COL21A1: variants seen among roughly 807,000 people sequenced by gnomAD.
The protein encoded by COL21A1 is collagen alpha-1(XXI) chain.
A neutral mutation model predicts 137.9 loss-of-function variants in COL21A1; 149 were observed. The ratio of observed to expected loss-of-function variants is 1.08; its 90% CI spans 0.95 to 1.24. The LOEUF (loss-of-function observed/expected upper bound fraction) is 1.24. Among genes scored for constraint, COL21A1 ranks in the 50% most tolerant of loss-of-function variants. The pLI is 0.00. For missense variants in COL21A1, 1,167 were observed against 1,158.4 expected (o/e 1.01, Z -0.11); for synonymous variants, 456 against 391.5 (o/e 1.16, Z -1.95).
chr6:56,260,767 GA>G (rs2152330685), intron 1 of COL21A1, among the ~76,000 whole-genome samples: 1 of 151,236 alleles, frequency 6.6e-6, no homozygotes, highest in South Asian at 2.1e-4. Context: ...AATCTTGGGG[GA>G]AGATTTTTTA....
At chr6:56,212,762 A>G (rs12203971) in intron 1 of COL21A1, among the ~76,000 whole-genome samples, 11,061 of 152,082 alleles carry the variant, frequency 0.073, 445 homozygotes, top group Middle Eastern at 0.13. Flanking sequence ...AATGATCTCT[A>G]AGAATATGTT....
intron 25 of COL21A1, among the ~76,000 whole-genome samples, chr6:56,061,431 G>C (rs886393854): frequency 6.6e-6 from 1 of 152,060 alleles, no homozygotes; most frequent in African/African-American, 2.4e-5. Context: ...TCCAAGTCTG[G>C]AAGAAAAACC....
intron 1 of COL21A1, among the ~76,000 whole-genome samples, chr6:56,188,873 G>A (rs917687347): frequency 1.2e-4 from 19 of 152,184 alleles, no homozygotes; most frequent in Admixed American, 9.8e-4. Context: ...AAACTCCAGT[G>A]GACCTGCTGC....
chr6:56,156,134 A>G (rs776989116), intron 10 of COL21A1, among the ~76,000 whole-genome samples: 35 of 152,226 alleles, frequency 2.3e-4, no homozygotes, highest in Non-Finnish European at 4.1e-4. Context: ...GCTTCCACAG[A>G]TGTGCAGAGA....
chr6:56,300,292 T>C (rs1039758762), intron 1 of COL21A1, among the ~76,000 whole-genome samples: 2 of 152,094 alleles, frequency 1.3e-5, no homozygotes, highest in Admixed American at 6.6e-5. Context: ...AGAGTGGAAT[T>C]AGATTAAAAC....
At chr6:56,222,145 T>C (rs1780873233) in intron 1 of COL21A1, among the ~76,000 whole-genome samples, 1 of 152,012 alleles carries the variant, frequency 6.6e-6, no homozygotes, top group South Asian at 2.1e-4. Flanking sequence ...TGGTGGTGCA[T>C]GCCTGTAATC....
At chr6:56,187,488 A>T (rs928971609) in intron 1 of COL21A1, among the ~76,000 whole-genome samples, 3 of 152,224 alleles carry the variant, frequency 2.0e-5, no homozygotes, top group Admixed American at 6.5e-5. Context: ...TGACATAAAG[A>T]TAGGCATAGA....
intron 1 of COL21A1, among the ~76,000 whole-genome samples, chr6:56,236,996 A>ATTTTC (rs1781945931): frequency 6.6e-6 from 1 of 152,054 alleles, no homozygotes; most frequent in African/African-American, 2.4e-5. Context: ...CCCTATTGAA[A>ATTTTC]ACAATGGTTA....
chr6:56,387,172 T>C (rs1484804840), intron 1 of COL21A1, among the ~76,000 whole-genome samples: 1 of 152,220 alleles, frequency 6.6e-6, no homozygotes, highest in Non-Finnish European at 1.5e-5. Context: ...TGAAAACAAT[T>C]CAATCTCATT....
At chr6:56,368,182 G>T (rs970544166) in intron 1 of COL21A1, among the ~76,000 whole-genome samples, 1 of 152,014 alleles carries the variant, frequency 6.6e-6, no homozygotes, top group African/African-American at 2.4e-5. Context: ...AAGCAGGGGG[G>T]TATTTGCAGA....
intron 17 of COL21A1, among the ~76,000 whole-genome samples, chr6:56,095,025 G>T (rs1290088650): frequency 1.3e-5 from 2 of 151,992 alleles, no homozygotes; most frequent in Non-Finnish European, 2.9e-5. Flanking sequence ...TGAGGGGGAG[G>T]CATTTTTTAA....
intron 1 of COL21A1, among the ~76,000 whole-genome samples, chr6:56,203,212 C>T (rs1779523012): frequency 6.6e-6 from 1 of 152,156 alleles, no homozygotes; most frequent in Non-Finnish European, 1.5e-5. Context: ...TCATGATACA[C>T]CAAAAAGAAT....
intron 1 of COL21A1, among the ~76,000 whole-genome samples, chr6:56,194,138 A>C (rs1582610610): frequency 6.6e-6 from 1 of 152,330 alleles, no homozygotes. Context: ...CCTCAAAATT[A>C]AGTTATTAAG....
At chr6:56,121,529 T>C (rs571592349) in intron 16 of COL21A1, among the ~76,000 whole-genome samples, 2 of 142,034 alleles carry the variant, frequency 1.4e-5, no homozygotes, top group African/African-American at 5.2e-5. Flanking sequence ...TATATACATA[T>C]ACATATATAT....
At chr6:56,059,968 T>TA (rs755012989) in intron 28 of COL21A1, 50 bp downstream of exon 28, 25 of 1,451,520 alleles carry the variant, frequency 1.7e-5, no homozygotes, top group South Asian at 7.5e-5. Flanking sequence ...TATGAATTTT[T>TA]AAAAAAAGAC....
chr6:56,070,710 T>G (rs1465947114), intron 21 of COL21A1, 35 bp downstream of exon 21: 2 of 1,440,542 alleles, frequency 1.4e-6, no homozygotes, highest in Non-Finnish European at 1.9e-6. Context: ...ACATTATAAT[T>G]TCTTTGAAAA....
chr6:56,285,730 TC>T (rs1430311668), intron 1 of COL21A1, among the ~76,000 whole-genome samples: 1 of 151,996 alleles, frequency 6.6e-6, no homozygotes. Flanking sequence ...ATGGAGCAAA[TC>T]AAAGTCCTCT....
intron 1 of COL21A1, among the ~76,000 whole-genome samples, chr6:56,283,872 A>ACTCTCTCTCT (rs1176221090): frequency 1.2e-5 from 1 of 84,206 alleles, no homozygotes; most frequent in African/African-American, 4.2e-5. Flanking sequence ...ACTCACACAC[A>ACTCTCTCTCT]CACTCTCTCT....
intron 1 of COL21A1, among the ~76,000 whole-genome samples, chr6:56,233,497 T>A (rs537185970): frequency 6.6e-6 from 1 of 151,806 alleles, no homozygotes; most frequent in African/African-American, 2.4e-5. Flanking sequence ...AAAAACTTAA[T>A]AATGGATATA....
Sources: allele counts gnomAD v4.1 joint callset (sites outside exome capture counted in the v4.1 genomes callset), GRCh38; gene constraint gnomAD v4.1.1; transcripts MANE v1.5; gene names NCBI Gene and HGNC (gene_info 2026-07-23, HGNC 2026-07-21).